The following CDIN1 variants were observed in gnomAD, a reference collection of about 807,000 sequenced individuals.
CDIN1 encodes the protein CDAN1 interacting nuclease 1, also known as CDAN1-interacting nuclease 1.
Under a neutral mutation model 45.3 loss-of-function variants are expected in CDIN1, and 33 were observed. The ratio of observed to expected loss-of-function variants is 0.73; its 90% CI spans 0.55 to 0.97. The LOEUF (loss-of-function observed/expected upper bound fraction) is 0.97. CDIN1 is among the 50% of genes least tolerant of loss of function. The pLI is 0.00. For missense variants in CDIN1, 303 were observed against 339.4 expected, an observed-to-expected ratio of 0.89 and a Z score of 0.84; for synonymous variants, 118 against 124.4, an observed-to-expected ratio of 0.95 and a Z score of 0.34.
At chr15:36,627,651 G>A (rs572922497) in intron 1 of CDIN1, 2 of 152,462 alleles carry the variant, frequency 1.3e-5, no homozygotes, top group East Asian at 1.9e-4. Context: ...TTGCTGTAGT[G>A]GTACTCCACG....
In CDIN1 at chr15:36,618,918, C is replaced by T. The variant is rs140803800; in HGVS notation, c.102-25360C>T. ...AATCGTAACATAAATGTAGCTACAC[C>T]GTGACTCTACAGGAACCCTGAAAGT... is the stretch of plus-strand genomic sequence containing the variant. On this transcript the variant is annotated intron_variant, in intron 1 of 10. Transcript: ENST00000566621. The T allele has an allele frequency of 2.1e-4, 295 of 1,394,634 alleles. 1 individual carries two copies. In the African/African-American group the frequency reaches 3.4e-3, roughly 16 times the overall value. The allele number at this position is 1,394,634 out of a possible 1,614,324, so 86.4% of individuals were successfully genotyped here. A position where few individuals can be genotyped will look rare whatever the true frequency, so the allele number is the denominator to read the frequency against.
chr15:36,793,973 C>G (rs1341874629), intron 10 of CDIN1, among the ~76,000 whole-genome samples: 2 of 145,758 alleles, frequency 1.4e-5, no homozygotes, highest in African/African-American at 2.5e-5. Context: ...TAAAAATGCT[C>G]TTCTATTTTC....
intron 1 of CDIN1, among the ~76,000 whole-genome samples, chr15:36,589,220 A>G (rs2037451251): frequency 6.6e-6 from 1 of 152,200 alleles, no homozygotes; most frequent in African/African-American, 2.4e-5. Context: ...TTCCTTAGAA[A>G]CAAAACAATC....
intron 1 of CDIN1, among the ~76,000 whole-genome samples, chr15:36,605,407 A>G (rs2038315588): frequency 6.6e-6 from 1 of 152,176 alleles, no homozygotes; most frequent in African/African-American, 2.4e-5. Context: ...CTTTGTAGAA[A>G]CTCAACTAGA....
At chr15:36,718,820 T>C (rs2043305564) in intron 10 of CDIN1, among the ~76,000 whole-genome samples, 1 of 145,138 alleles carries the variant, frequency 6.9e-6, no homozygotes, top group Admixed American at 6.8e-5. Flanking sequence ...TGCTTTTTTT[T>C]TTTTTTTTTT....
chr15:36,748,013 A>C (rs912070554), intron 10 of CDIN1, among the ~76,000 whole-genome samples: 2 of 152,222 alleles, frequency 1.3e-5, no homozygotes, highest in Non-Finnish European at 2.9e-5. Context: ...CCCAAGAAGC[A>C]ATATAGCTGA....
At chr15:36,663,994 A>C (rs2041132437) in intron 5 of CDIN1, among the ~76,000 whole-genome samples, 1 of 152,196 alleles carries the variant, frequency 6.6e-6, no homozygotes, top group South Asian at 2.1e-4. Context: ...ATCTTTAGCA[A>C]ACTTCAGGTC....
At position 36,644,315 on chromosome 15, in the gene CDIN1, G is replaced by A. The variant is rs1159001484; in HGVS notation, c.139G>A (p.Glu47Lys). 4 of 1,613,470 alleles carry A rather than the reference G, an allele frequency of 2.5e-6. No homozygotes were observed. The highest frequency in any genetic ancestry group is 1.3e-5 in the African/African-American group (1 of 74,890). Residue 47 changes from glutamate (E) to lysine (K), a missense_variant, in exon 2 of 11, where the codon GAG becomes AAG. Glu to Lys is a moderately conservative substitution (Grantham distance 56). Transcript: ENST00000566621. ...QATLLSIFSQ[E>K]YQKHIKRTHA... ...CACTCTGCTGAGCATCTTCTCCCAG[G>A]AGTACCAGGTTAGAAGTTTTCTCCT...
chr15:36,757,412 C>G (rs2140987688), intron 10 of CDIN1, among the ~76,000 whole-genome samples: 1 of 152,342 alleles, frequency 6.6e-6, no homozygotes, highest in South Asian at 2.1e-4. Flanking sequence ...TCTTTTCTCG[C>G]TTGCTATCAA....
intron 10 of CDIN1, among the ~76,000 whole-genome samples, chr15:36,723,101 G>T (rs1306579276): frequency 6.6e-6 from 1 of 151,542 alleles, no homozygotes; most frequent in Non-Finnish European, 1.5e-5. Context: ...CTTGTGTTTT[G>T]GTCACCTTTT....
intron 3 of CDIN1, 29 bp downstream of exon 3, chr15:36,645,316 A>C (rs143484998): frequency 2.0e-6 from 3 of 1,466,658 alleles, no homozygotes; most frequent in Non-Finnish European, 2.8e-6. Context: ...ACTAGAGGGT[A>C]TCATAGTACC....
chr15:36,691,124 T>A (rs1235342832), intron 5 of CDIN1: 4 of 517,512 alleles, frequency 7.7e-6, no homozygotes, highest in Admixed American at 2.0e-5. Context: ...CCTACTTTCC[T>A]CACTTGTGGA....
intron 10 of CDIN1, among the ~76,000 whole-genome samples, chr15:36,768,989 TA>T (rs201935570): frequency 6.6e-6 from 1 of 151,460 alleles, no homozygotes; most frequent in African/African-American, 2.4e-5. Flanking sequence ...AGATCTGTTA[TA>T]AAAAAAAATT....
At chr15:36,659,405 A>C (rs1302284944) in intron 5 of CDIN1, among the ~76,000 whole-genome samples, 1 of 152,168 alleles carries the variant, frequency 6.6e-6, no homozygotes, top group Non-Finnish European at 1.5e-5. Flanking sequence ...AATGTCTTGC[A>C]TGAATACACT....
chr15:36,644,602 T>C (rs1386329460), intron 2 of CDIN1, among the ~76,000 whole-genome samples: 1 of 152,156 alleles, frequency 6.6e-6, no homozygotes, highest in Non-Finnish European at 1.5e-5. Context: ...CGTGGTTCCA[T>C]GTGCTAAATG....
intron 5 of CDIN1, among the ~76,000 whole-genome samples, chr15:36,676,069 C>T (rs989741543): frequency 1.3e-5 from 2 of 151,984 alleles, no homozygotes; most frequent in African/African-American, 4.8e-5. Context: ...GAGAATTAGA[C>T]GAAAGTTATT....
intron 1 of CDIN1, among the ~76,000 whole-genome samples, chr15:36,619,520 C>T (rs773662543): frequency 7.1e-5 from 9 of 127,476 alleles, no homozygotes; most frequent in East Asian, 2.3e-4. Context: ...TCTATCTATC[C>T]ATCCATCCAC....
At chr15:36,664,664 A>G (rs2041173196) in intron 5 of CDIN1, among the ~76,000 whole-genome samples, 1 of 152,008 alleles carries the variant, frequency 6.6e-6, no homozygotes, top group Non-Finnish European at 1.5e-5. Flanking sequence ...CTCCTGCCTC[A>G]GCCTCCCAAG....
At chr15:36,765,458 C>T (rs998478199) in intron 10 of CDIN1, among the ~76,000 whole-genome samples, 2 of 152,158 alleles carry the variant, frequency 1.3e-5, no homozygotes, top group Admixed American at 6.5e-5. Flanking sequence ...CTAACCAACA[C>T]GGTAGGTGAG....
Sources: gnomAD v4.1 joint callset for allele counts (sites outside exome capture counted in the v4.1 genomes callset) on GRCh38, gnomAD v4.1.1 for gene constraint, MANE v1.5 for transcripts, NCBI Gene and HGNC (gene_info 2026-07-23, HGNC 2026-07-21) for gene names.